ST6GALNAC3: variants seen among roughly 807,000 people sequenced by gnomAD.
ST6GALNAC3 encodes ST6 N-acetylgalactosaminide alpha-2,6-sialyltransferase 3.
A neutral mutation model predicts 32.7 loss-of-function variants in ST6GALNAC3; 25 were observed. The observed-to-expected ratio is 0.76, with a 90% CI of 0.56 to 1.07. The LOEUF is 1.07. ST6GALNAC3 is among the 50% of genes least tolerant of loss of function. The pLI is 0.00. For missense variants in ST6GALNAC3, 355 were observed against 382.4 expected (o/e 0.93, Z 0.60); for synonymous variants, 129 against 133.1 (o/e 0.97, Z 0.21).
chr1:76,611,685 T>G (rs530227021), intron 3 of ST6GALNAC3, among the ~76,000 whole-genome samples: 1 of 152,198 alleles, frequency 6.6e-6, no homozygotes, highest in Non-Finnish European at 1.5e-5. Flanking sequence ...TCTCTAGTAA[T>G]GTACAGCAAA....
At chr1:76,334,634 G>A (rs1433837477) in intron 2 of ST6GALNAC3, among the ~76,000 whole-genome samples, 1 of 152,216 alleles carries the variant, frequency 6.6e-6, no homozygotes, top group African/African-American at 2.4e-5. Context: ...TGGTCATTAT[G>A]TTGGTAATCT....
At chr1:76,337,468 C>G (rs964669970) in intron 2 of ST6GALNAC3, among the ~76,000 whole-genome samples, 3 of 152,086 alleles carry the variant, frequency 2.0e-5, no homozygotes, top group Non-Finnish European at 4.4e-5. Context: ...GTGAGGTGTC[C>G]CAGTGTACCA....
At chr1:76,363,214 G>T (rs1570969878) in intron 2 of ST6GALNAC3, among the ~76,000 whole-genome samples, 1 of 152,076 alleles carries the variant, frequency 6.6e-6, no homozygotes, top group Non-Finnish European at 1.5e-5. Flanking sequence ...TAACAGCTGG[G>T]CCACATATCG....
intron 3 of ST6GALNAC3, among the ~76,000 whole-genome samples, chr1:76,464,556 G>A (rs1456111994): frequency 6.6e-6 from 1 of 152,132 alleles, no homozygotes; most frequent in Non-Finnish European, 1.5e-5. Context: ...TCCCCACTTT[G>A]TGAGTCCTAT....
At chr1:76,075,023 C>A in intron 1 of ST6GALNAC3, 139 bp downstream of exon 1, 1 of 1,090,992 alleles carries the variant, frequency 9.2e-7, no homozygotes, top group South Asian at 1.4e-5. Context: ...GTTCCTTTGG[C>A]AAATGCATAT....
intron 1 of ST6GALNAC3, among the ~76,000 whole-genome samples, chr1:76,180,988 G>A (rs1203033955): frequency 1.3e-4 from 20 of 152,228 alleles, no homozygotes; most frequent in Admixed American, 2.0e-4. Flanking sequence ...TAAGCCATGC[G>A]TGGATGGCAA....
chr1:76,112,479 C>T (rs1191355488), intron 1 of ST6GALNAC3, among the ~76,000 whole-genome samples: 1 of 149,344 alleles, frequency 6.7e-6, no homozygotes, highest in Non-Finnish European at 1.5e-5. Context: ...CTAACCTCCC[C>T]ACCTCCCTTC....
At chr1:76,461,263 GA>G (rs1448590233) in intron 3 of ST6GALNAC3, among the ~76,000 whole-genome samples, 1 of 152,092 alleles carries the variant, frequency 6.6e-6, no homozygotes, top group African/African-American at 2.4e-5. Context: ...GTTATCATTT[GA>G]ATCTTAGTAC....
At chr1:76,485,204 C>T (rs1421230037) in intron 3 of ST6GALNAC3, among the ~76,000 whole-genome samples, 4 of 152,072 alleles carry the variant, frequency 2.6e-5, no homozygotes, top group Non-Finnish European at 4.4e-5. Context: ...GTGTGTCTAC[C>T]AGGCTTTGGT....
intron 2 of ST6GALNAC3, among the ~76,000 whole-genome samples, chr1:76,389,012 C>CTTTT (rs371619828): frequency 0.03 from 3,809 of 127,294 alleles, 121 homozygotes; most frequent in Non-Finnish European, 0.036. Flanking sequence ...GGTATATTTC[C>CTTTT]TTTTTTTTTT....
intron 1 of ST6GALNAC3, among the ~76,000 whole-genome samples, chr1:76,156,631 G>T (rs1184740332): frequency 6.6e-6 from 1 of 151,760 alleles, no homozygotes; most frequent in African/African-American, 2.4e-5. Flanking sequence ...TGTTTTTGAG[G>T]TGTTTCTTTC....
intron 1 of ST6GALNAC3, among the ~76,000 whole-genome samples, chr1:76,240,835 C>A (rs1656919045): frequency 6.6e-6 from 1 of 152,132 alleles, no homozygotes; most frequent in African/African-American, 2.4e-5. Context: ...ACCTTAATAC[C>A]CATTTTTATC....
chr1:76,492,385 C>CA (rs1005210578), intron 3 of ST6GALNAC3, among the ~76,000 whole-genome samples: 6 of 151,226 alleles, frequency 4.0e-5, no homozygotes, highest in Non-Finnish European at 7.4e-5. Context: ...AAAAAAGAAA[C>CA]AAAAAAAGAC....
At chr1:76,093,351 T>C (rs1204200986) in intron 1 of ST6GALNAC3, among the ~76,000 whole-genome samples, 1 of 152,196 alleles carries the variant, frequency 6.6e-6, no homozygotes, top group Non-Finnish European at 1.5e-5. Flanking sequence ...TCTTTTTAAC[T>C]TTTCATGGAT....
intron 2 of ST6GALNAC3, among the ~76,000 whole-genome samples, chr1:76,406,419 G>C (rs1317229952): frequency 1.3e-5 from 2 of 152,022 alleles, no homozygotes; most frequent in African/African-American, 4.8e-5. Context: ...GAAAGAAACA[G>C]TTTGAAAAGC....
At position 76,620,292 on chromosome 1, in the gene ST6GALNAC3, G is replaced by A. The variant is rs568992680; in HGVS notation, c.624-7160G>A. ...AGAGGCTGAGATGCGCAAGTTTAAG[G>A]AGCAATAAATGAGCCCATGTGACTA... On this transcript the variant is annotated intron_variant, in intron 3 of 4. Coordinates refer to ENST00000328299, the MANE Select transcript of ST6GALNAC3 (RefSeq NM_152996.4). 2.0e-5 allele frequency among the ~76,000 whole-genome samples: 3 copies of A among 152,082 alleles called. No homozygotes were observed. In the East Asian group the frequency reaches 5.8e-4, roughly 29 times the overall value.
At chr1:76,496,171 C>T (rs2101710050) in intron 3 of ST6GALNAC3, among the ~76,000 whole-genome samples, 1 of 152,224 alleles carries the variant, frequency 6.6e-6, no homozygotes, top group Non-Finnish European at 1.5e-5. Context: ...AAAAATCTGC[C>T]TGAGATTTAG....
chr1:76,629,628 C>A lies in ST6GALNAC3; in HGVS notation c.*822C>A. 1.0e-6 allele frequency: 1 copy of A among 985,048 alleles called. No homozygotes were observed. Among genetic ancestry groups the A allele is most frequent in the Non-Finnish European group, 1.2e-6 (1 of 829,292 alleles). The allele number at this position is 985,048 out of a possible 1,614,324, so 61.0% of individuals were successfully genotyped here. On this transcript the variant is annotated 3_prime_UTR_variant, in exon 5 of 5. Transcript: ENST00000328299. ...AACATGTAAGATACCAACTTCAACA[C>A]TGTAATAACATATACTGTGAAAACA...
chr1:76,566,242 A>G (rs1485008632), intron 3 of ST6GALNAC3, among the ~76,000 whole-genome samples: 1 of 152,198 alleles, frequency 6.6e-6, no homozygotes, highest in African/African-American at 2.4e-5. Context: ...GGAACTGAAC[A>G]ACTAGCAAGT....
Sources: allele counts gnomAD v4.1 joint callset (sites outside exome capture counted in the v4.1 genomes callset), GRCh38; gene constraint gnomAD v4.1.1; transcripts MANE v1.5; gene names NCBI Gene and HGNC (gene_info 2026-07-23, HGNC 2026-07-21).